HSF2: variants seen among roughly 807,000 people sequenced by gnomAD.
HSF2 encodes the protein heat shock transcription factor 2, also known as heat shock factor protein 2.
In HSF2, 21 loss-of-function variants were observed where a neutral mutation model predicts 65.0. The observed-to-expected ratio is 0.32, with a 90% confidence interval of 0.23 to 0.47. The LOEUF is 0.47. Ranked by LOEUF, HSF2 falls within the 20% of genes least tolerant of loss-of-function variation. The pLI is 1.00. For missense variants in HSF2, 499 were observed against 628.1 expected (o/e 0.79, Z 2.20); for synonymous variants, 225 against 219.1 (o/e 1.03, Z -0.24).
At position 122,399,701 on chromosome 6, in the gene HSF2, C is replaced by G. The variant is rs763368477; in HGVS notation, c.-37C>G. 4 of 1,521,866 alleles carry G rather than the reference C, an allele frequency of 2.6e-6. No homozygotes were observed. Among genetic ancestry groups the G allele is most frequent in the South Asian group, 1.1e-5 (1 of 87,732 alleles). 94.3% of individuals were successfully genotyped at this position (1,521,866 alleles called of 1,614,324 possible). A position where few individuals can be genotyped will look rare whatever the true frequency, so the allele number is the denominator to read the frequency against. Reference sequence around the variant, plus strand: ...CTGCCGCCGCCGCTACCACCGCGTTCGGGTGTAGAATTTGGAATCCCTGCG... The same window carrying G: ...CTGCCGCCGCCGCTACCACCGCGTTGGGGTGTAGAATTTGGAATCCCTGCG... On this transcript the variant is annotated 5_prime_UTR_variant, in exon 1 of 13. Coordinates refer to ENST00000368455, the MANE Select transcript of HSF2 (RefSeq NM_004506.4).
rs1774202322 is a variant in HSF2, at chr6:122,420,187, A to G, written c.646A>G (p.Ile216Val). 13 of 1,606,884 alleles carry G rather than the reference A, an allele frequency of 8.1e-6. No individual in the cohort carries two copies. The highest frequency in any genetic ancestry group is 9.4e-6 in the Non-Finnish European group (11 of 1,174,352). ...CCAAAAGAAGAACCTGTTTCAGCAC[A>G]TAGTCAAAGAACCAACTGATAATCA... ...GAQKKNLFQH[I>V]VKEPTDNHHH... Residue 216 changes from isoleucine (I) to valine (V), a missense_variant, in exon 7 of 13, where the codon ATA (isoleucine) becomes GTA (valine). Coordinates refer to ENST00000368455, the MANE Select transcript of HSF2 (RefSeq NM_004506.4).
intron 1 of HSF2, among the ~76,000 whole-genome samples, chr6:122,406,830 G>C (rs905834899): frequency 2.0e-5 from 3 of 152,058 alleles, no homozygotes; most frequent in African/African-American, 7.2e-5. Flanking sequence ...ACCATGCCTA[G>C]TCATATGGCC....
intron 1 of HSF2, among the ~76,000 whole-genome samples, chr6:122,401,337 A>G (rs1368236367): frequency 1.3e-5 from 2 of 152,228 alleles, no homozygotes; most frequent in African/African-American, 4.8e-5. Context: ...ACTGTTACTC[A>G]GACACGTATT....
At chr6:122,431,788 A>G in intron 12 of HSF2, 137 bp from the exon 13 acceptor site, 1 of 695,522 alleles carries the variant, frequency 1.4e-6, no homozygotes, top group Non-Finnish European at 2.4e-6. Flanking sequence ...TTATTGACAT[A>G]GTGCATCATG....
At chr6:122,428,244 A>G (rs1389323354) in intron 11 of HSF2, among the ~76,000 whole-genome samples, 1 of 152,012 alleles carries the variant, frequency 6.6e-6, no homozygotes, top group Non-Finnish European at 1.5e-5. Context: ...AATAACTAAA[A>G]TATGATTTCT....
At chr6:122,407,373 C>T (rs762081753) in intron 1 of HSF2, among the ~76,000 whole-genome samples, 2 of 152,130 alleles carry the variant, frequency 1.3e-5, no homozygotes, top group Admixed American at 6.6e-5. Context: ...CAGCTTATTC[C>T]GCTATTAGCC....
intron 9 of HSF2, among the ~76,000 whole-genome samples, chr6:122,423,181 CCTTT>C (rs2114449001): frequency 6.6e-6 from 1 of 152,094 alleles, no homozygotes; most frequent in African/African-American, 2.4e-5. Flanking sequence ...TGATATACTT[CCTTT>C]GAGTGTACAT....
intron 10 of HSF2, among the ~76,000 whole-genome samples, chr6:122,426,870 G>A (rs1473581339): frequency 3.3e-5 from 5 of 151,878 alleles, no homozygotes; most frequent in Admixed American, 6.6e-5. Context: ...TCTACTTTTC[G>A]AACCTATGTA....
At chr6:122,421,130 AC>A (rs1774226180) in intron 7 of HSF2, among the ~76,000 whole-genome samples, 1 of 151,996 alleles carries the variant, frequency 6.6e-6, no homozygotes, top group Non-Finnish European at 1.5e-5. Flanking sequence ...ATTAATGTTC[AC>A]CAACTAGAAT....
At chr6:122,417,721 AG>A (rs1355887220) in intron 5 of HSF2, among the ~76,000 whole-genome samples, 1 of 152,216 alleles carries the variant, frequency 6.6e-6, no homozygotes, top group African/African-American at 2.4e-5. Context: ...GTGTCAACAG[AG>A]AACTGAGATG....
At chr6:122,415,916 C>T (rs1774115608) in intron 4 of HSF2, among the ~76,000 whole-genome samples, 1 of 152,126 alleles carries the variant, frequency 6.6e-6, no homozygotes, top group Admixed American at 6.6e-5. Flanking sequence ...ACTTAGGAAG[C>T]TGAGGCACGA....
Position 122,422,723 on chromosome 6 carries a change from G to C in HSF2, c.836G>C (p.Ser279Thr). ...TTCTTTTATTGCTGATTTAGCTGTA[G>C]CCAGTACCCTGATATTGTCATCGTT... ...EDVISDPSNC[S>T]QYPDIVIVED... Residue 279 changes from serine (S) to threonine (T), a missense_variant, in exon 9 of 13, where the codon AGC becomes ACC. Around this residue, in one of 2 missense-constraint regions of HSF2, gnomAD observed 349 missense variants for 393.5 expected, o/e 0.89. Transcript: ENST00000368455. 6.2e-7 allele frequency: 1 copy of C among 1,613,290 alleles called. No homozygotes were observed. Among genetic ancestry groups the C allele is most frequent in the Non-Finnish European group, 8.5e-7 (1 of 1,179,478 alleles).
At chr6:122,422,125 T>TA (rs1774248744) in intron 7 of HSF2, 25 bp from the exon 8 acceptor site, 2 of 1,511,642 alleles carry the variant, frequency 1.3e-6, no homozygotes, top group Non-Finnish European at 1.8e-6. Context: ...GATTTTTAGA[T>TA]ATATTTTTCT....
chr6:122,410,743 T>G (rs1041757771), intron 1 of HSF2, among the ~76,000 whole-genome samples: 2 of 151,908 alleles, frequency 1.3e-5, no homozygotes, highest in African/African-American at 4.8e-5. Context: ...TGTGAGAATT[T>G]CCTTTTTTAG....
chr6:122,422,393 A>G, intron 8 of HSF2, 95 bp downstream of exon 8: 2 of 958,648 alleles, frequency 2.1e-6, no homozygotes, highest in Non-Finnish European at 3.2e-6. Flanking sequence ...GAAAAATAAT[A>G]ATCTTTCTCA....
rs1435989714 is a variant in HSF2 at position 122,412,865 on chromosome 6, T to G, written c.330+101T>G. ...TGAAAGTACAGAAATGCACAACTGT[T>G]CCTTGTTGGGATGAATTAGGATAAT... is the stretch of plus-strand genomic sequence containing the variant. On this transcript the variant is annotated intron_variant, in intron 3 of 12. Transcript: ENST00000368455. 21 of 1,093,044 alleles carry G rather than the reference T, an allele frequency of 1.9e-5. 1 individual carries two copies. The highest frequency in any genetic ancestry group is 3.1e-5 in the African/African-American group (2 of 64,074). 67.7% of individuals were successfully genotyped at this position (1,093,044 alleles called of 1,614,324 possible). A position where few individuals can be genotyped will look rare whatever the true frequency, so the allele number is the denominator to read the frequency against.
At chr6:122,427,599 G>T (rs1431077592) in intron 10 of HSF2, among the ~76,000 whole-genome samples, 2 of 151,990 alleles carry the variant, frequency 1.3e-5, no homozygotes, top group East Asian at 3.8e-4. Flanking sequence ...TAAAGGAAAT[G>T]AAATTGAATG....
intron 1 of HSF2, among the ~76,000 whole-genome samples, chr6:122,410,162 T>A (rs984700724): frequency 1.6e-4 from 25 of 151,950 alleles, no homozygotes; most frequent in African/African-American, 5.8e-4. Context: ...TGAACTTATG[T>A]ACCTAACATT....
chr6:122,427,726 G>A (rs1043026255), intron 10 of HSF2, among the ~76,000 whole-genome samples, 177 bp from the exon 11 acceptor site: 1 of 151,998 alleles, frequency 6.6e-6, no homozygotes, highest in African/African-American at 2.4e-5. Flanking sequence ...GGGCTAGCTT[G>A]TTCTGCTTTT....
Sources: allele counts gnomAD v4.1 joint callset (sites outside exome capture counted in the v4.1 genomes callset), GRCh38; gene constraint gnomAD v4.1.1; regional missense constraint gnomAD v4.1.1; transcripts MANE v1.5; gene names NCBI Gene and HGNC (gene_info 2026-07-23, HGNC 2026-07-21).